Variants in AEBP1 observed in about 807,000 individuals in gnomAD.
The protein encoded by AEBP1 is AE binding protein 1.
AEBP1 carries 69 observed loss-of-function variants against 116.5 expected under a neutral mutation model. That is an observed-to-expected ratio of 0.59 (90% confidence interval 0.49 to 0.72). AEBP1 has a LOEUF of 0.72. Among genes scored for constraint, AEBP1 ranks in the 30% least tolerant of loss-of-function variants. The probability of loss-of-function intolerance (pLI) is 0.00; values close to 1 mark genes in which losing one functional copy is unlikely to be tolerated. For synonymous variants in AEBP1, 627 were observed against 627.3 expected (o/e 1.00, Z 0.01); for missense variants, 1,444 against 1,557.5 (o/e 0.93, Z 1.23).
intron 10 of AEBP1, 30 bp downstream of exon 10, chr7:44,110,154 C>T (rs1169219080): frequency 6.2e-7 from 1 of 1,613,088 alleles, no homozygotes; most frequent in African/African-American, 1.3e-5. Context: ...CATCTCCCAA[C>T]TGGGATAAGG....
rs374219711 is a variant in AEBP1 at position 44,108,981 on chromosome 7, G to T, written c.1018+5G>T. The T allele has an allele frequency of 1.9e-6, 3 of 1,605,472 alleles. No homozygotes were observed. The highest frequency in any genetic ancestry group is 2.5e-6 in the Non-Finnish European group (3 of 1,176,630). On this transcript the variant is annotated splice_donor_5th_base_variant and intron_variant, in intron 7 of 20. Coordinates refer to ENST00000223357, the MANE Select transcript of AEBP1 (RefSeq NM_001129.5). This position sits in a 1 kb window ranked among gnomAD's most constrained non-coding sequence, Gnocchi z 5.0. ...ACGAAGAGAAGGAGGAGCTGAGTGA[G>T]TGGGACCAAGGACTTCCCACACCAG...
In AEBP1 at chr7:44,104,717, G is replaced by T; in HGVS notation, c.52G>T (p.Ala18Ser). The change falls in exon 1 of 21, where the codon GCC becomes TCC. Residue 18 changes from alanine (A) to serine (S), a missense_variant. Transcript: ENST00000223357. Reference sequence around the variant, plus strand: ...GCTCAGCTGCCTCCTGGCGTTGCTGGCCCTGTGCCCTGGAGGGCGCCCGCA... The same window carrying T: ...GCTCAGCTGCCTCCTGGCGTTGCTGTCCCTGTGCCCTGGAGGGCGCCCGCA... ...PLLSCLLALLALCPGGRPQTV... is the reference protein window; with the variant it reads ...PLLSCLLALLSLCPGGRPQTV... The T allele has an allele frequency of 6.2e-7, 1 of 1,609,852 alleles. No homozygotes were observed. The highest frequency in any genetic ancestry group is 8.5e-7 in the Non-Finnish European group (1 of 1,178,992).
intron 7 of AEBP1, 57 bp from the exon 8 acceptor site, chr7:44,109,050 A>T: frequency 6.2e-7 from 1 of 1,611,378 alleles, no homozygotes; most frequent in South Asian, 1.1e-5. Context: ...TCCACCCCAC[A>T]TGGTCCTCAA....
rs1477189171 is a variant in AEBP1 at position 44,106,909 on chromosome 7, G to A, written c.595+22G>A. The A allele has an allele frequency of 2.0e-6, 3 of 1,505,142 alleles. 1 individual carries two copies. Among genetic ancestry groups the A allele is most frequent in the South Asian group, 2.6e-5 (2 of 77,928 alleles). 93.2% of individuals were successfully genotyped at this position (1,505,142 alleles called of 1,614,324 possible). On this transcript the variant is annotated intron_variant, in intron 2 of 20. Transcript: ENST00000223357. ...GGAGGTTTGTGCCGGGCTCCTCTGG[G>A]GTGATGGGGCTCTGACTGCCTGCTC...
chr7:44,113,141 T>C lies in AEBP1; in HGVS notation c.2709+11T>C. 6.2e-7 allele frequency: 1 copy of C among 1,613,736 alleles called. No individual in the cohort carries two copies. The highest frequency in any genetic ancestry group is 8.5e-7 in the Non-Finnish European group (1 of 1,179,872). On this transcript the variant is annotated intron_variant, in intron 19 of 20. Coordinates refer to ENST00000223357, the MANE Select transcript of AEBP1 (RefSeq NM_001129.5). This position sits in a 1 kb window ranked among gnomAD's most constrained non-coding sequence, Gnocchi z 5.3. The stretch of plus-strand genomic sequence containing the variant: ...ACCTTCATGGAGCAGGTGGGGTGGC[T>C]AGGGCAATGCCTGGGGAGAGGAGGC...
chr7:44,111,853 G>A lies in AEBP1; in HGVS notation c.1841-1G>A, dbSNP rs1354240610. On this transcript the variant is annotated splice_acceptor_variant, in intron 15 of 20. Coordinates refer to ENST00000223357, the MANE Select transcript of AEBP1 (RefSeq NM_001129.5). LOFTEE classifies it high-confidence loss of function. The surrounding 1 kb of genome is among the most constrained non-coding windows in gnomAD (Gnocchi z 4.7). The stretch of plus-strand genomic sequence containing the variant: ...GCTCACTGAGGCTCCCGCCCTTGCA[G>A]GGGAGCCCGAGTTCCGCTACACTGC... 1 of 1,612,036 alleles carries A rather than the reference G, an allele frequency of 6.2e-7. No individual in the cohort carries two copies. The highest frequency in any genetic ancestry group is 1.3e-5 in the African/African-American group (1 of 74,910).
In AEBP1 at chr7:44,108,047, C is replaced by T; in HGVS notation, c.903C>T (p.Asp301=). The T allele has an allele frequency of 1.2e-6, 2 of 1,601,668 alleles. No homozygotes were observed. The highest frequency in any genetic ancestry group is 1.7e-6 in the Non-Finnish European group (2 of 1,175,274). ...VKPLLPPLPP[D]YGDGYVIPNY... ...CTCTGCTGCCCCCGCTGCCCCCTGACTATGGTGATGGTTACGTGATCCCCA... is the reference window on the plus strand; with the variant it reads ...CTCTGCTGCCCCCGCTGCCCCCTGATTATGGTGATGGTTACGTGATCCCCA... Residue 301 remains aspartate (D), a synonymous_variant, in exon 6 of 21, where the codon GAC becomes GAT. Transcript: ENST00000223357. This position sits in a 1 kb window ranked among gnomAD's most constrained non-coding sequence, Gnocchi z 5.0.
At chr7:44,106,382 A>T in intron 1 of AEBP1, 164 bp from the exon 2 acceptor site, 1 of 821,734 alleles carries the variant, frequency 1.2e-6, no homozygotes, top group Non-Finnish European at 2.0e-6. Context: ...CTGGGTCCGG[A>T]TCCCAGTTTG....
Position 44,107,387 on chromosome 7 carries a change from G to A in AEBP1, c.596-52G>A. The A allele has an allele frequency of 6.3e-7, 1 of 1,579,298 alleles. No homozygotes were observed. Among genetic ancestry groups the A allele is most frequent in the Non-Finnish European group, 8.7e-7 (1 of 1,149,772 alleles). ...TGGCTGGTGGCCTGAGGCTCCCAAG[G>A]TGGTCAGAGCAGGCCTCCCGCCCAC... On this transcript the variant is annotated intron_variant, in intron 2 of 20. Coordinates refer to ENST00000223357, the MANE Select transcript of AEBP1 (RefSeq NM_001129.5). This position sits in a 1 kb window ranked among gnomAD's most constrained non-coding sequence, Gnocchi z 4.3.
intron 1 of AEBP1, 187 bp from the exon 2 acceptor site, chr7:44,106,359 G>T (rs1198298034): frequency 1.4e-6 from 1 of 735,116 alleles, no homozygotes; most frequent in Non-Finnish European, 2.4e-6. Context: ...CCCCAGACTT[G>T]CAGACAGAAA....
chr7:44,111,406 T>G lies in AEBP1; in HGVS notation c.1717-101T>G. The G allele has an allele frequency of 6.8e-7, 1 of 1,464,832 alleles. No homozygotes were observed. The highest frequency in any genetic ancestry group is 2.6e-5 in the Admixed American group (1 of 38,280). The allele number at this position is 1,464,832 out of a possible 1,614,324, so 90.7% of individuals were successfully genotyped here. ...ACCTGGGGGCTGCGTGAAGGGGTCATGCCCGTCCCTCGCCATAGAGCAGGC... is the reference window on the plus strand; with the variant it reads ...ACCTGGGGGCTGCGTGAAGGGGTCAGGCCCGTCCCTCGCCATAGAGCAGGC... On this transcript the variant is annotated intron_variant, in intron 14 of 20. Transcript: ENST00000223357. The surrounding 1 kb of genome is among the most constrained non-coding windows in gnomAD (Gnocchi z 4.7).
At chr7:44,105,369 G>T (rs540119359) in intron 1 of AEBP1, among the ~76,000 whole-genome samples, 1 of 152,110 alleles carries the variant, frequency 6.6e-6, no homozygotes, top group Non-Finnish European at 1.5e-5. Flanking sequence ...TCAGGTGGTG[G>T]TGAGCACAGG....
At position 44,110,987 on chromosome 7, in the gene AEBP1, C is replaced by T. The variant is rs758724182; in HGVS notation, c.1560C>T (p.Ile520=). ...CAGAGCCGGTGGTGGCTCGTTTCAT[C>T]CGCATCTACCCACTCACCTGGAATG... The part of the protein sequence containing the change: ...ELPEPVVARF[I]RIYPLTWNGS... Residue 520 remains isoleucine (I), a synonymous_variant, in exon 13 of 21, where the codon ATC becomes ATT. Transcript: ENST00000223357. The T allele has an allele frequency of 1.9e-6, 3 of 1,613,812 alleles. No homozygotes were observed. Among genetic ancestry groups the T allele is most frequent in the Non-Finnish European group, 2.5e-6 (3 of 1,179,998 alleles).
Position 44,112,968 on chromosome 7 carries a change from GGTCT to G in AEBP1, c.2570-20_2570-17del, listed in dbSNP as rs566016055. 8.4e-5 allele frequency: 136 copies of G among 1,613,872 alleles called. 1 individual carries two copies. In the African/African-American group the frequency reaches 1.6e-3, roughly 19 times the overall value. On this transcript the variant is annotated intron_variant, in intron 18 of 20. Coordinates refer to ENST00000223357, the MANE Select transcript of AEBP1 (RefSeq NM_001129.5). The surrounding 1 kb of genome is among the most constrained non-coding windows in gnomAD (Gnocchi z 6.6). The stretch of plus-strand genomic sequence containing the variant: ...CTGGTCCGGAGAGGGGCTGACTTTG[GGTCT>G]GTATCTGTCCCCGGCCAGCTATCAA...
In AEBP1 at chr7:44,113,029, G is replaced by C. The variant is rs1479880253; in HGVS notation, c.2608G>C (p.Glu870Gln). The change falls in exon 19 of 21, where the codon GAG becomes CAG. Residue 870 changes from glutamate to glutamine, a missense_variant. By Grantham distance (29) the Glu-to-Gln change is conservative. Transcript: ENST00000223357. The surrounding 1 kb of genome is among the most constrained non-coding windows in gnomAD (Gnocchi z 5.3). ...DFSYLHTNCLELSFYLGCDKF... is the reference protein window; with the variant it reads ...DFSYLHTNCLQLSFYLGCDKF... ...CAGTTACCTGCATACCAACTGCCTGGAGCTCTCCTTCTACCTGGGCTGTGA... is the reference window on the plus strand; with the variant it reads ...CAGTTACCTGCATACCAACTGCCTGCAGCTCTCCTTCTACCTGGGCTGTGA... The C allele has an allele frequency of 6.2e-7, 1 of 1,613,990 alleles. No homozygotes were observed. The highest frequency in any genetic ancestry group is 1.3e-5 in the African/African-American group (1 of 74,920).
At position 44,110,065 on chromosome 7, in the gene AEBP1, C is replaced by T. The variant is rs1396903800; in HGVS notation, c.1201C>T (p.Arg401Ter). The stretch of plus-strand genomic sequence containing the variant: ...ACACCGTATTGAGGACAACCAGATC[C>T]GAGCCTCCTCCATGCTGCGCCACGG... ...ESHRIEDNQI[R>*]ASSMLRHGLG... The change falls in exon 10 of 21, where the codon CGA becomes TGA. Residue 401 changes from arginine to a stop codon, truncating the protein, a stop_gained. Transcript: ENST00000223357. LOFTEE classifies it high-confidence loss of function. 7.4e-6 allele frequency: 12 copies of T among 1,612,924 alleles called. No individual in the cohort carries two copies. The highest frequency in any genetic ancestry group is 1.1e-5 in the South Asian group (1 of 91,086).
At position 44,110,815 on chromosome 7, in the gene AEBP1, C is replaced by T. The variant is rs1169524021; in HGVS notation, c.1485+6C>T. ...CCAACGGCTATGAGGAAATGGTGGG[C>T]ACCATGCCCAGGCTCTTGGCTCTGC... On this transcript the variant is annotated splice_donor_region_variant and intron_variant, in intron 12 of 20. Coordinates refer to ENST00000223357, the MANE Select transcript of AEBP1 (RefSeq NM_001129.5). The T allele has an allele frequency of 6.3e-7, 1 of 1,578,338 alleles. No homozygotes were observed. The highest frequency in any genetic ancestry group is 2.3e-5 in the East Asian group (1 of 44,336).
chr7:44,106,432 C>A, intron 1 of AEBP1, 114 bp from the exon 2 acceptor site: 2 of 1,156,816 alleles, frequency 1.7e-6, no homozygotes, highest in South Asian at 1.5e-5. Context: ...TTTGCTGATC[C>A]GCACTGGGAA....
At chr7:44,106,068 C>T in intron 1 of AEBP1, 1 of 403,598 alleles carries the variant, frequency 2.5e-6, no homozygotes. Context: ...CCAAGTGTCC[C>T]TTTTCTTTGA....
Sources: gnomAD v4.1 joint callset for allele counts (sites outside exome capture counted in the v4.1 genomes callset) on GRCh38, gnomAD v4.1.1 for gene constraint, Gnocchi (gnomAD v3.1) non-coding constraint, MANE v1.5 for transcripts, NCBI Gene and HGNC (gene_info 2026-07-23, HGNC 2026-07-21) for gene names.